The following ZFAT variants were observed in gnomAD, a reference collection of about 807,000 sequenced individuals.
ZFAT encodes zinc finger and AT-hook domain containing.
A neutral mutation model predicts 117.7 loss-of-function variants in ZFAT; 64 were observed. The observed-to-expected ratio is 0.54, with a 90% CI of 0.44 to 0.67. The LOEUF is 0.67. Ranked by LOEUF, ZFAT falls within the 30% of genes least tolerant of loss-of-function variation. The pLI is 0.00. For missense variants in ZFAT, 1,433 were observed against 1,584.5 expected (o/e 0.90, Z 1.62); for synonymous variants, 679 against 615.0 (o/e 1.10, Z -1.54).
the ZFAT span, among the ~76,000 whole-genome samples, chr8:134,798,809 T>A: frequency 1.3e-5 from 2 of 152,154 alleles, no homozygotes; most frequent in South Asian, 4.1e-4. Flanking sequence ...CACATGCATA[T>A]GCTGAGTATT....
intron 1 of ZFAT, among the ~76,000 whole-genome samples, chr8:134,684,988 A>T (rs934656527): frequency 1.3e-5 from 2 of 152,202 alleles, no homozygotes; most frequent in African/African-American, 4.8e-5. Flanking sequence ...AGAGGAAGAC[A>T]TCAAGACTTC....
At chr8:134,751,140 G>A in the ZFAT span, among the ~76,000 whole-genome samples, 2 of 152,268 alleles carry the variant, frequency 1.3e-5, no homozygotes, top group Admixed American at 6.5e-5. Context: ...CAGAACATGG[G>A]TGGATGGGAC....
the ZFAT span, among the ~76,000 whole-genome samples, chr8:134,774,460 T>C: frequency 2.6e-5 from 4 of 152,190 alleles, no homozygotes; most frequent in African/African-American, 4.8e-5. Context: ...ACCACCACAA[T>C]GATCAATCAA....
the ZFAT span, among the ~76,000 whole-genome samples, chr8:134,737,438 C>T: frequency 6.6e-6 from 1 of 152,284 alleles, no homozygotes; most frequent in East Asian, 1.9e-4. Flanking sequence ...GCTTCCTAAG[C>T]CCAAATGCTG....
At chr8:134,766,569 T>C in the ZFAT span, 1 of 152,226 alleles carries the variant, frequency 6.6e-6, no homozygotes, top group African/African-American at 2.4e-5. Flanking sequence ...ATTTATTATT[T>C]ACATATATAT....
intron 1 of ZFAT, among the ~76,000 whole-genome samples, chr8:134,662,115 C>T (rs1190038891): frequency 1.3e-5 from 2 of 152,166 alleles, no homozygotes; most frequent in East Asian, 3.9e-4. Flanking sequence ...TTGGTGAGGG[C>T]TGCTTCCTGG....
the ZFAT span, among the ~76,000 whole-genome samples, chr8:134,806,098 A>C: frequency 6.6e-6 from 1 of 152,262 alleles, no homozygotes; most frequent in Non-Finnish European, 1.5e-5. Context: ...GATTTAAGAA[A>C]TGAACATACA....
chr8:134,492,336 C>CA (rs1327857200), intron 15 of ZFAT, among the ~76,000 whole-genome samples: 1 of 152,212 alleles, frequency 6.6e-6, no homozygotes, highest in African/African-American at 2.4e-5. Flanking sequence ...GGAAAGCGTG[C>CA]AATTCATTAT....
rs1412829499 is a variant in ZFAT, at chr8:134,637,642, C to T, written c.267G>A (p.Glu89=). 3 of 1,614,218 alleles carry T rather than the reference C, an allele frequency of 1.9e-6. No homozygotes were observed. The highest frequency in any genetic ancestry group is 3.3e-5 in the Admixed American group (2 of 60,028). Residue 89 remains glutamate (E), a synonymous_variant, in exon 3 of 16, where the codon GAG becomes GAA. Coordinates refer to ENST00000377838, the MANE Select transcript of ZFAT (RefSeq NM_020863.4). The part of the protein sequence containing the change: ...GSTKKSSTEE[E]LAENIVSPTE... ...TCGGACTCACGATGTTTTCTGCCAG[C>T]TCCTCTTCTGTGCTGGACTTCTTCG...
At chr8:134,658,181 C>T (rs1831730055) in intron 1 of ZFAT, among the ~76,000 whole-genome samples, 1 of 152,062 alleles carries the variant, frequency 6.6e-6, no homozygotes, top group African/African-American at 2.4e-5. Flanking sequence ...ACTAAAAATA[C>T]AAAAAATTAG....
intron 3 of ZFAT, among the ~76,000 whole-genome samples, chr8:134,624,448 G>A (rs570302217): frequency 6.6e-6 from 1 of 152,210 alleles, no homozygotes; most frequent in East Asian, 1.9e-4. Flanking sequence ...CTGAGGTCAG[G>A]AGTTTGAGAC....
the ZFAT span, among the ~76,000 whole-genome samples, chr8:134,725,527 A>G: frequency 1.3e-5 from 2 of 152,054 alleles, no homozygotes; most frequent in African/African-American, 2.4e-5. Flanking sequence ...ATCTCATGAG[A>G]ACTCTATCAC....
chr8:134,620,266 C>T lies in ZFAT; in HGVS notation c.449-9611G>A, dbSNP rs1391212447. On this transcript the variant is annotated intron_variant, in intron 3 of 15. Transcript: ENST00000377838. ...CAGCTGTGCTAAAGGCTGAGGTAGA[C>T]GAAGTAAGGCTGGCATTTGCTCTGT... Among the ~76,000 whole-genome samples the T allele has an allele frequency of 2.6e-5, 4 of 152,328 alleles. No individual in the cohort carries two copies. The South Asian group carries it at 6.2e-4, about 24-fold the overall frequency.
the ZFAT span, among the ~76,000 whole-genome samples, chr8:134,821,947 T>C: frequency 9.9e-5 from 15 of 152,124 alleles, no homozygotes; most frequent in Non-Finnish European, 2.2e-4. Flanking sequence ...AGTTGTTTGG[T>C]CTAATAAACA....
rs1439826403 is a variant in ZFAT, at chr8:134,712,755, C to T, written c.19+90G>A. 59 of 1,361,806 alleles carry T rather than the reference C, an allele frequency of 4.3e-5. 1 individual carries two copies. Among genetic ancestry groups the T allele is most frequent in the Admixed American group, 2.6e-5 (1 of 39,004 alleles). The allele number at this position is 1,361,806 out of a possible 1,614,324, so 84.4% of individuals were successfully genotyped here. A position where few individuals can be genotyped will look rare whatever the true frequency, so the allele number is the denominator to read the frequency against. ...CCGGCGGCCGGCGGCCGGCGCACTGCTTCCCGACTCGACGCTCGAAACGGC... is the reference window on the plus strand; with the variant it reads ...CCGGCGGCCGGCGGCCGGCGCACTGTTTCCCGACTCGACGCTCGAAACGGC... On this transcript the variant is annotated intron_variant, in intron 1 of 15. Transcript: ENST00000377838.
chr8:134,800,375 C>G, the ZFAT span: 1 of 375,078 alleles, frequency 2.7e-6, no homozygotes, highest in South Asian at 2.1e-5. Context: ...TCCCTGCCAG[C>G]TAGACAATTA....
rs373946717 is a variant in ZFAT, at chr8:134,657,585, G to C, written c.172C>G (p.Pro58Ala). Residue 58 changes from proline to alanine, a missense_variant, in exon 2 of 16, where the codon CCC (proline) becomes GCC (alanine). By Grantham distance (27) the Pro-to-Ala change is conservative (BLOSUM62 -1). Around this residue, in one of 5 missense-constraint regions of ZFAT, gnomAD observed 436 missense variants for 482.0 expected, o/e 0.90. Transcript: ENST00000377838. The stretch of plus-strand genomic sequence containing the variant: ...CCATCTCCGGTTTTGCTTGAGTTGG[G>C]GGGTTCAGGTGTACTCAGAGGCCTA... ...PLRPLSTPEP[P>A]NSSKTGDEFL... 1 of 1,612,334 alleles carries C rather than the reference G, an allele frequency of 6.2e-7. No homozygotes were observed. Among genetic ancestry groups the C allele is most frequent in the African/African-American group, 1.3e-5 (1 of 74,772 alleles).
Position 134,608,759 on chromosome 8 carries a change from G to A in ZFAT, c.755C>T (p.Thr252Ile), listed in dbSNP as rs768274915. The part of the protein sequence containing the change: ...RGYQEYAIQQ[T>I]PYEQPMKSSR... ...TGACTTCATTGGTTGCTCATAAGGTGTCTGCTGAATGGCGTATTCCTGGTA... is the reference window on the plus strand; with the variant it reads ...TGACTTCATTGGTTGCTCATAAGGTATCTGCTGAATGGCGTATTCCTGGTA... The change falls in exon 5 of 16, where the codon ACA becomes ATA. Residue 252 changes from threonine (T) to isoleucine (I), a missense_variant. By Grantham distance (89) the Thr-to-Ile change is moderately conservative. This residue lies in a region of ZFAT where 436 missense variants were observed against 482.0 expected (regional missense o/e 0.90). Coordinates refer to ENST00000377838, the MANE Select transcript of ZFAT (RefSeq NM_020863.4). 4 of 1,610,864 alleles carry A rather than the reference G, an allele frequency of 2.5e-6. No individual in the cohort carries two copies. The highest frequency in any genetic ancestry group is 2.7e-5 in the African/African-American group (2 of 74,752).
intron 13 of ZFAT, among the ~76,000 whole-genome samples, chr8:134,514,290 T>C (rs555755493): frequency 1.6e-4 from 24 of 152,370 alleles, no homozygotes; most frequent in African/African-American, 5.8e-4. Context: ...GAGGCTTTAC[T>C]GCATGCTTTT....
Sources: allele counts gnomAD v4.1 joint callset (sites outside exome capture counted in the v4.1 genomes callset), GRCh38; gene constraint gnomAD v4.1.1; regional missense constraint gnomAD v4.1.1; transcripts MANE v1.5; gene names NCBI Gene and HGNC (gene_info 2026-07-23, HGNC 2026-07-21).